TVP23B: variants seen among roughly 807,000 people sequenced by gnomAD.
TVP23B encodes trans-golgi network vesicle protein 23 homolog B.
Under a neutral mutation model 30.6 loss-of-function variants are expected in TVP23B, and 10 were observed. The ratio of observed to expected loss-of-function variants is 0.33; its 90% CI spans 0.20 to 0.55. The LOEUF is 0.55. Among genes scored for constraint, TVP23B ranks in the 20% least tolerant of loss-of-function variants. The pLI, the probability that TVP23B is intolerant of heterozygous loss-of-function variation, is 0.91. For synonymous variants in TVP23B, 67 were observed against 83.1 expected (o/e 0.81, Z 1.06); for missense variants, 153 against 243.2 (o/e 0.63, Z 2.47).
At chr17:18,803,683 G>A (rs1284641444) in intron 5 of TVP23B, among the ~76,000 whole-genome samples, 2 of 152,230 alleles carry the variant, frequency 1.3e-5, no homozygotes, top group African/African-American at 4.8e-5. Flanking sequence ...CAGTTGTCAC[G>A]TAGAGCAGAG....
chr17:18,794,388 A>G (rs1287741570), intron 3 of TVP23B, among the ~76,000 whole-genome samples: 1 of 152,262 alleles, frequency 6.6e-6, no homozygotes, highest in Non-Finnish European at 1.5e-5. Flanking sequence ...TAGTTGTCGA[A>G]ATTGGAATTC....
Position 18,805,575 on chromosome 17 carries a change from A to G in TVP23B, c.*8A>G. The G allele has an allele frequency of 6.2e-7, 1 of 1,608,126 alleles. No individual in the cohort carries two copies. Among genetic ancestry groups the G allele is most frequent in the Non-Finnish European group, 8.5e-7 (1 of 1,178,316 alleles). ...GATGATCAGACTTCCTGAATAGAGA[A>G]AGCTTATGTGCTTTGTTACATTGGG... On this transcript the variant is annotated 3_prime_UTR_variant, in exon 7 of 7. Coordinates refer to ENST00000307767, the MANE Select transcript of TVP23B (RefSeq NM_016078.6).
chr17:18,784,077 G>A (rs1490741757), intron 1 of TVP23B, among the ~76,000 whole-genome samples: 3 of 152,076 alleles, frequency 2.0e-5, no homozygotes, highest in African/African-American at 7.2e-5. Flanking sequence ...CCTGGGAGGC[G>A]GAGCTTGCAG....
Position 18,790,380 on chromosome 17 carries a change from C to T in TVP23B, c.96-516C>T, listed in dbSNP as rs544684828. The stretch of plus-strand genomic sequence containing the variant: ...TTGGGAGGCTGAGGCAGGACAATGG[C>T]GTGAACCCAGGAGGTGAAGTTTGCA... On this transcript the variant is annotated intron_variant, in intron 2 of 6. Coordinates refer to ENST00000307767, the MANE Select transcript of TVP23B (RefSeq NM_016078.6). Among the ~76,000 whole-genome samples, 740 of 147,232 alleles carry T rather than the reference C, an allele frequency of 5.0e-3. 5 individuals are homozygous for T. Among genetic ancestry groups the T allele is most frequent in the African/African-American group, 0.018 (717 of 39,900 alleles).
At chr17:18,784,101 C>T (rs1401421386) in intron 1 of TVP23B, among the ~76,000 whole-genome samples, 3 of 152,048 alleles carry the variant, frequency 2.0e-5, no homozygotes, top group African/African-American at 4.8e-5. Context: ...GCCGAGATCG[C>T]GCCACTGCAC....
intron 1 of TVP23B, among the ~76,000 whole-genome samples, chr17:18,787,200 G>A (rs1015467929): frequency 1.2e-4 from 18 of 152,130 alleles, no homozygotes; most frequent in Non-Finnish European, 2.6e-4. Context: ...TTTGAAACCA[G>A]CCTGGCCAAC....
intron 3 of TVP23B, among the ~76,000 whole-genome samples, chr17:18,794,360 C>T (rs1168329830): frequency 6.6e-6 from 1 of 152,152 alleles, no homozygotes; most frequent in African/African-American, 2.4e-5. Flanking sequence ...TGAAACAGAA[C>T]TAGAAATTAA....
At chr17:18,799,317 TGAG>T in intron 5 of TVP23B, among the ~76,000 whole-genome samples, 1 of 150,862 alleles carries the variant, frequency 6.6e-6, no homozygotes, top group East Asian at 1.9e-4. Context: ...CTTGGGGTCT[TGAG>T]TAGTTGTAGT....
chr17:18,786,855 A>G (rs2035913915), intron 1 of TVP23B, among the ~76,000 whole-genome samples: 1 of 148,184 alleles, frequency 6.7e-6, no homozygotes, highest in Non-Finnish European at 1.5e-5. Flanking sequence ...AAATATACCT[A>G]GTCTAGGGAG....
At chr17:18,800,316 A>T (rs1372628986) in intron 5 of TVP23B, among the ~76,000 whole-genome samples, 1 of 152,112 alleles carries the variant, frequency 6.6e-6, no homozygotes, top group Non-Finnish European at 1.5e-5. Flanking sequence ...GTTTTATAAT[A>T]GTTATCTTTT....
chr17:18,788,319 A>G (rs1329688028), intron 1 of TVP23B, among the ~76,000 whole-genome samples: 2 of 113,128 alleles, frequency 1.8e-5, no homozygotes, highest in Non-Finnish European at 1.8e-5. Context: ...CGACAGAGCA[A>G]GACTCCATCT....
At chr17:18,781,331 G>T (rs375333514) in intron 1 of TVP23B, 26 bp downstream of exon 1, 4 of 1,571,380 alleles carry the variant, frequency 2.5e-6, no homozygotes, top group Non-Finnish European at 3.5e-6. Flanking sequence ...CTCGCTGGGA[G>T]GGTGGCGGCT....
At chr17:18,784,551 T>C (rs1169390860) in intron 1 of TVP23B, among the ~76,000 whole-genome samples, 1 of 152,136 alleles carries the variant, frequency 6.6e-6, no homozygotes, top group Admixed American at 6.5e-5. Flanking sequence ...AGGCTGAGGC[T>C]GACGCAGGGG....
intron 1 of TVP23B, chr17:18,781,536 G>GA (rs2035807902): frequency 1.5e-6 from 1 of 646,970 alleles, no homozygotes; most frequent in African/African-American, 1.8e-5. Context: ...TTGCGGCTGT[G>GA]GGGACGCCCA....
chr17:18,794,965 C>G (rs1050001840), intron 3 of TVP23B, among the ~76,000 whole-genome samples: 1 of 150,534 alleles, frequency 6.6e-6, no homozygotes, highest in African/African-American at 2.4e-5. Context: ...CAAGGCCTCT[C>G]CATGTGTCTT....
intron 1 of TVP23B, among the ~76,000 whole-genome samples, chr17:18,787,050 C>A (rs1372958636): frequency 1.3e-5 from 2 of 149,892 alleles, no homozygotes. Flanking sequence ...TCAACAAATA[C>A]TGTACCACTT....
intron 1 of TVP23B, among the ~76,000 whole-genome samples, chr17:18,783,253 CT>C (rs1055485919): frequency 7.2e-5 from 11 of 152,118 alleles, no homozygotes; most frequent in Middle Eastern, 6.8e-3. Flanking sequence ...TTACAGGCGC[CT>C]GCCACCACGC....
At chr17:18,783,081 A>ATTTATTTATTTATTTC in intron 1 of TVP23B, among the ~76,000 whole-genome samples, 1 of 101,502 alleles carries the variant, frequency 9.9e-6, no homozygotes, top group Non-Finnish European at 2.2e-5. Context: ...CCCACTATTT[A>ATTTATTTATTTATTTC]TTTATTTATT....
chr17:18,787,297 A>T (rs545736532), intron 1 of TVP23B, among the ~76,000 whole-genome samples: 1 of 151,202 alleles, frequency 6.6e-6, no homozygotes, highest in East Asian at 2.0e-4. Flanking sequence ...GTTACTCAGG[A>T]GGCTGAGGCA....
Sources: allele counts gnomAD v4.1 joint callset (sites outside exome capture counted in the v4.1 genomes callset), GRCh38; gene constraint gnomAD v4.1.1; transcripts MANE v1.5; gene names NCBI Gene and HGNC (gene_info 2026-07-23, HGNC 2026-07-21).